Variants in SLCO4C1 observed in about 807,000 individuals in gnomAD.
SLCO4C1 encodes the protein solute carrier organic anion transporter family member 4C1.
A neutral mutation model predicts 72.1 loss-of-function variants in SLCO4C1; 58 were observed. The ratio of observed to expected loss-of-function variants is 0.80; its 90% CI spans 0.65 to 1.00. The LOEUF is 1.00. Among genes scored for constraint, SLCO4C1 ranks in the 50% least tolerant of loss-of-function variants. The pLI, the probability that SLCO4C1 is intolerant of heterozygous loss-of-function variation, is 0.00. For missense variants in SLCO4C1, 898 were observed against 857.9 expected (o/e 1.05, Z -0.58); for synonymous variants, 297 against 312.5 (o/e 0.95, Z 0.52).
Position 102,285,671 on chromosome 5 carries a change from A to C in SLCO4C1, c.619+5672T>G, listed in dbSNP as rs1289291169. On this transcript the variant is annotated intron_variant, in intron 2 of 12. Transcript: ENST00000310954. Reference sequence around the variant, plus strand: ...TTGTGATAGTTTTATCTAGAGCATTAACTATTGCTAAAAGGTAGCTCTAGG... The same window carrying C: ...TTGTGATAGTTTTATCTAGAGCATTCACTATTGCTAAAAGGTAGCTCTAGG... 2.0e-5 allele frequency among the ~76,000 whole-genome samples: 3 copies of C among 152,168 alleles called. No individual in the cohort carries two copies. The East Asian group carries it at 5.8e-4, about 29-fold the overall frequency.
intron 1 of SLCO4C1, among the ~76,000 whole-genome samples, chr5:102,295,128 T>C (rs1172315039): frequency 6.6e-6 from 1 of 152,206 alleles, no homozygotes; most frequent in Non-Finnish European, 1.5e-5. Flanking sequence ...AGCTTTAACC[T>C]TCCCTGTGCC....
At chr5:102,266,797 G>C (rs567724949) in intron 3 of SLCO4C1, among the ~76,000 whole-genome samples, 1 of 152,080 alleles carries the variant, frequency 6.6e-6, no homozygotes, top group East Asian at 1.9e-4. Flanking sequence ...GTTGATGTAC[G>C]TTCCTTTTAT....
rs191400794 is a variant in SLCO4C1 at position 102,235,458 on chromosome 5, A to G, written c.*1400T>C. 1.3e-5 allele frequency: 2 copies of G among 152,336 alleles called. No individual in the cohort carries two copies. The highest frequency in any genetic ancestry group is 1.3e-4 in the Admixed American group (2 of 15,308). 9.4% of individuals were successfully genotyped at this position (152,336 alleles called of 1,614,324 possible). Reference sequence around the variant, plus strand: ...ATGTTCACTCATCTATACCCTCCATATTCTCAGCAAAGTTGGCATAAATCT... The same window carrying G: ...ATGTTCACTCATCTATACCCTCCATGTTCTCAGCAAAGTTGGCATAAATCT... On this transcript the variant is annotated 3_prime_UTR_variant, in exon 13 of 13. Transcript: ENST00000310954.
At chr5:102,250,498 G>A (rs940008636) in intron 8 of SLCO4C1, among the ~76,000 whole-genome samples, 9 of 152,100 alleles carry the variant, frequency 5.9e-5, no homozygotes, top group African/African-American at 1.4e-4. Context: ...ATACAAAGCC[G>A]AATAAGACAG....
chr5:102,273,455 A>G (rs1749189983), intron 2 of SLCO4C1, among the ~76,000 whole-genome samples: 1 of 152,202 alleles, frequency 6.6e-6, no homozygotes, highest in Non-Finnish European at 1.5e-5. Context: ...ACAAGAAGAT[A>G]AAGTCACTTA....
intron 8 of SLCO4C1, among the ~76,000 whole-genome samples, chr5:102,252,730 C>T (rs913329897): frequency 2.0e-5 from 3 of 152,056 alleles, no homozygotes; most frequent in South Asian, 2.1e-4. Context: ...TCCTTAATAT[C>T]AAGGGGTGGT....
chr5:102,267,583 G>GT (rs543701401), intron 3 of SLCO4C1, among the ~76,000 whole-genome samples: 1,662 of 132,556 alleles, frequency 0.013, 21 homozygotes, highest in African/African-American at 0.032. Flanking sequence ...ATCTTCTGTA[G>GT]TTTTTTTTTT....
At chr5:102,241,380 C>A (rs1417870643) in intron 10 of SLCO4C1, among the ~76,000 whole-genome samples, 3 of 152,040 alleles carry the variant, frequency 2.0e-5, no homozygotes, top group Non-Finnish European at 4.4e-5. Context: ...CAAAAAAGCA[C>A]TACAACTAGC....
At chr5:102,275,133 TAAAAG>T (rs79440232) in intron 2 of SLCO4C1, among the ~76,000 whole-genome samples, 31,098 of 150,978 alleles carry the variant, frequency 0.21, 4,075 homozygotes, top group Non-Finnish European at 0.26. Flanking sequence ...ATAAATGAAG[TAAAAG>T]AAAAGAAATG....
intron 12 of SLCO4C1, among the ~76,000 whole-genome samples, chr5:102,237,602 A>G (rs1214147356): frequency 4.6e-5 from 7 of 152,064 alleles, no homozygotes; most frequent in Non-Finnish European, 8.8e-5. Context: ...ACAGACAGAA[A>G]CCCCGTCTCA....
Position 102,263,683 on chromosome 5 carries a change from C to A in SLCO4C1, c.899+1G>T. 6.2e-7 allele frequency: 1 copy of A among 1,608,568 alleles called. No individual in the cohort carries two copies. Among genetic ancestry groups the A allele is most frequent in the Non-Finnish European group, 8.5e-7 (1 of 1,177,124 alleles). Reference sequence around the variant, plus strand: ...TAAAAGAAAAATAGATACTGCCTTGCCTTTCTCCCATAGCAACATCAATGT... The same window carrying A: ...TAAAAGAAAAATAGATACTGCCTTGACTTTCTCCCATAGCAACATCAATGT... On this transcript the variant is annotated splice_donor_variant, in intron 4 of 12. Coordinates refer to ENST00000310954, the MANE Select transcript of SLCO4C1 (RefSeq NM_180991.5). LOFTEE classifies it high-confidence loss of function.
intron 2 of SLCO4C1, among the ~76,000 whole-genome samples, chr5:102,278,116 C>G (rs1047172623): frequency 1.3e-5 from 2 of 151,954 alleles, no homozygotes; most frequent in Non-Finnish European, 2.9e-5. Flanking sequence ...ACAAGAAATT[C>G]ACTTCAAATG....
At position 102,260,195 on chromosome 5, in the gene SLCO4C1, A is replaced by G; in HGVS notation, c.1128+18T>C. ...GTGTATGAGACTGAGAGAGAGACAG[A>G]GAAGAATTTTATTTTACCTTTAGAG... is the stretch of plus-strand genomic sequence containing the variant. On this transcript the variant is annotated intron_variant, in intron 6 of 12. Transcript: ENST00000310954. The G allele has an allele frequency of 9.7e-7, 1 of 1,035,316 alleles. No homozygotes were observed. The highest frequency in any genetic ancestry group is 1.3e-6 in the Non-Finnish European group (1 of 759,612). The allele number at this position is 1,035,316 out of a possible 1,614,324, so 64.1% of individuals were successfully genotyped here.
At chr5:102,261,503 C>T (rs1276157361) in intron 5 of SLCO4C1, among the ~76,000 whole-genome samples, 1 of 147,076 alleles carries the variant, frequency 6.8e-6, no homozygotes, top group Non-Finnish European at 1.5e-5. Context: ...TCAGTGATAA[C>T]TTAAAAAAAA....
intron 10 of SLCO4C1, among the ~76,000 whole-genome samples, chr5:102,245,786 G>A (rs1027864096): frequency 1.1e-4 from 17 of 152,058 alleles, no homozygotes; most frequent in Non-Finnish European, 2.1e-4. Context: ...CTGACCATAC[G>A]TTAGGTTACA....
At chr5:102,243,506 A>G (rs1445414698) in intron 10 of SLCO4C1, among the ~76,000 whole-genome samples, 1 of 152,202 alleles carries the variant, frequency 6.6e-6, no homozygotes, top group Non-Finnish European at 1.5e-5. Flanking sequence ...ACAGAGGGAG[A>G]GAGACTGCAA....
chr5:102,250,881 G>C (rs1004684830), intron 8 of SLCO4C1, among the ~76,000 whole-genome samples: 5 of 152,072 alleles, frequency 3.3e-5, no homozygotes, highest in African/African-American at 1.2e-4. Flanking sequence ...CCAGTTCTCG[G>C]GAGGCTGAGG....
chr5:102,296,229 A>T lies in SLCO4C1; in HGVS notation c.34T>A (p.Phe12Ile). The T allele has an allele frequency of 6.4e-7, 1 of 1,569,524 alleles. No homozygotes were observed. The highest frequency in any genetic ancestry group is 1.4e-5 in the African/African-American group (1 of 73,068). ...AGGATGTCTGGGCTGGAGGGGACAAAAGCCAAGTTCTCAATACCTTTGGCG... is the reference window on the plus strand; with the variant it reads ...AGGATGTCTGGGCTGGAGGGGACAATAGCCAAGTTCTCAATACCTTTGGCG... The part of the protein sequence containing the change: ...KSAKGIENLA[F>I]VPSSPDILRR... Residue 12 changes from phenylalanine (F) to isoleucine (I), a missense_variant, in exon 1 of 13, where the codon TTT becomes ATT. Physicochemically the swap from Phe to Ile is conservative, Grantham distance 21 (BLOSUM62 0). Transcript: ENST00000310954.
rs1397093750 is a variant in SLCO4C1 at position 102,261,937 on chromosome 5, A to T, written c.996T>A (p.Phe332Leu). ...WIFAWSLIIP[F>L]SCFPKHLPGT... The stretch of plus-strand genomic sequence containing the variant: ...CTGGTAAATGTTTTGGAAAGCAAGA[A>T]AAAGGTATTATTAAAGACCAAGCAA... Residue 332 changes from phenylalanine to leucine, a missense_variant, in exon 5 of 13, where the codon TTT (phenylalanine) becomes TTA (leucine). By Grantham distance (22) the Phe-to-Leu change is conservative. Transcript: ENST00000310954. The T allele has an allele frequency of 6.2e-7, 1 of 1,611,994 alleles. No homozygotes were observed.
Sources: allele counts gnomAD v4.1 joint callset (sites outside exome capture counted in the v4.1 genomes callset), GRCh38; gene constraint gnomAD v4.1.1; transcripts MANE v1.5; gene names NCBI Gene and HGNC (gene_info 2026-07-23, HGNC 2026-07-21).